PDE1A: variants seen among roughly 807,000 people sequenced by gnomAD.
PDE1A encodes phosphodiesterase 1A.
In PDE1A, 35 loss-of-function variants were observed where a neutral mutation model predicts 61.7. The observed-to-expected ratio is 0.57, with a 90% CI of 0.43 to 0.75. The LOEUF (loss-of-function observed/expected upper bound fraction) is 0.75, where lower values mean the gene tolerates loss of function less well. Among genes scored for constraint, PDE1A ranks in the 30% least tolerant of loss-of-function variants. The pLI, the probability that PDE1A is intolerant of heterozygous loss-of-function variation, is 0.00. For synonymous variants in PDE1A, 232 were observed against 213.2 expected, an observed-to-expected ratio of 1.09 and a Z score of -0.77; for missense variants, 597 against 630.6, an observed-to-expected ratio of 0.95 and a Z score of 0.57.
the PDE1A span, among the ~76,000 whole-genome samples, chr2:182,602,024 T>C: frequency 6.6e-6 from 1 of 152,206 alleles, no homozygotes; most frequent in Non-Finnish European, 1.5e-5. Context: ...ACTGGGGACC[T>C]TCCCCCTTCC....
intron 1 of PDE1A, among the ~76,000 whole-genome samples, chr2:182,349,394 A>G (rs1042864042): frequency 1.3e-5 from 2 of 152,218 alleles, no homozygotes; most frequent in Non-Finnish European, 2.9e-5. Flanking sequence ...TGGGATCTTA[A>G]CTACAACAAC....
chr2:182,549,911 A>G, the PDE1A span, among the ~76,000 whole-genome samples: 4 of 152,264 alleles, frequency 2.6e-5, no homozygotes, highest in East Asian at 5.8e-4. Context: ...CAGGAAGAAA[A>G]TCTGATTATT....
At chr2:182,497,464 C>T (rs2125904574) in intron 2 of PDE1A, among the ~76,000 whole-genome samples, 1 of 152,324 alleles carries the variant, frequency 6.6e-6, no homozygotes, top group South Asian at 2.1e-4. Context: ...TCCTCAGTAC[C>T]TGGTAACTAT....
At chr2:182,304,340 A>G (rs1695441874) in intron 1 of PDE1A, among the ~76,000 whole-genome samples, 1 of 152,178 alleles carries the variant, frequency 6.6e-6, no homozygotes, top group African/African-American at 2.4e-5. Flanking sequence ...GACTGGTTTG[A>G]TCTTCTATCC....
intron 2 of PDE1A, among the ~76,000 whole-genome samples, chr2:182,247,202 G>GA (rs11408095): frequency 0.096 from 14,106 of 146,654 alleles, 1,871 homozygotes; most frequent in African/African-American, 0.3. Context: ...ATTTGGTGTA[G>GA]AAAAAAAAAA....
chr2:182,419,341 T>C (rs1376033220), intron 1 of PDE1A, among the ~76,000 whole-genome samples: 3 of 149,660 alleles, frequency 2.0e-5, no homozygotes, highest in East Asian at 1.9e-4. Context: ...CTTTTCTTTT[T>C]TTTTTTTTTT....
the PDE1A span, among the ~76,000 whole-genome samples, chr2:182,539,147 C>T: frequency 6.6e-6 from 1 of 152,202 alleles, no homozygotes; most frequent in Non-Finnish European, 1.5e-5. Context: ...TACAAAATTC[C>T]TTCCTGACTT....
chr2:182,178,397 G>C (rs189138460), intron 13 of PDE1A, among the ~76,000 whole-genome samples: 17 of 152,184 alleles, frequency 1.1e-4, no homozygotes, highest in Admixed American at 7.9e-4. Context: ...TACCCTTCCA[G>C]TGACATATTT....
At chr2:182,386,581 C>T (rs1222734261) in intron 1 of PDE1A, among the ~76,000 whole-genome samples, 1 of 151,428 alleles carries the variant, frequency 6.6e-6, no homozygotes, top group African/African-American at 2.4e-5. Flanking sequence ...GCCACCCCGT[C>T]TGAGAAGTGA....
At chr2:182,451,423 A>G (rs1257739402) in intron 2 of PDE1A, among the ~76,000 whole-genome samples, 2 of 151,952 alleles carry the variant, frequency 1.3e-5, no homozygotes, top group Non-Finnish European at 2.9e-5. Context: ...CAAATGCATA[A>G]AGTATTAGTA....
In PDE1A at chr2:182,295,290, G is replaced by C. The variant is rs190709428; in HGVS notation, c.54-30876C>G. Among the ~76,000 whole-genome samples, 73 of 151,630 alleles carry C rather than the reference G, an allele frequency of 4.8e-4. 1 individual carries two copies. In the East Asian group the frequency reaches 0.014, roughly 29 times the overall value. ...GGGGTTTCACCTTGTTAGCCAGGAT[G>C]GTCTCGATCTCCTGACCTCATGATC... On this transcript the variant is annotated intron_variant, in intron 1 of 13. Coordinates refer to ENST00000351439, the Ensembl canonical transcript of PDE1A.
chr2:182,546,479 C>A, the PDE1A span, among the ~76,000 whole-genome samples: 3 of 152,034 alleles, frequency 2.0e-5, no homozygotes, highest in Non-Finnish European at 4.4e-5. Context: ...CATCAAAAGG[C>A]CCCTATAAGG....
intron 1 of PDE1A, among the ~76,000 whole-genome samples, chr2:182,297,215 G>A (rs560329047): frequency 6.6e-6 from 1 of 151,876 alleles, no homozygotes; most frequent in African/African-American, 2.4e-5. Context: ...GCAGTTACAG[G>A]GTTATAAAAA....
intron 13 of PDE1A, among the ~76,000 whole-genome samples, chr2:182,176,083 T>C (rs1382017932): frequency 6.7e-6 from 1 of 149,502 alleles, no homozygotes; most frequent in Non-Finnish European, 1.5e-5. Flanking sequence ...TTTTGGTTAC[T>C]GTAGCCTTGT....
chr2:182,368,359 T>C (rs756283481), intron 1 of PDE1A, among the ~76,000 whole-genome samples: 1 of 107,448 alleles, frequency 9.3e-6, no homozygotes, highest in Non-Finnish European at 1.7e-5. Flanking sequence ...AGGCCAGACA[T>C]TGCATTTGAT....
intron 2 of PDE1A, among the ~76,000 whole-genome samples, chr2:182,487,744 A>G (rs1349105301): frequency 6.6e-6 from 1 of 152,154 alleles, no homozygotes. Context: ...TTTTTTGAAA[A>G]TCACTGAATC....
chr2:182,454,323 C>A (rs79727193), intron 2 of PDE1A, among the ~76,000 whole-genome samples: 14 of 152,094 alleles, frequency 9.2e-5, no homozygotes, highest in Non-Finnish European at 2.1e-4. Flanking sequence ...GAATCAATAT[C>A]GTGAAAATGG....
the PDE1A span, among the ~76,000 whole-genome samples, chr2:182,690,103 AAGG>A: frequency 3.3e-5 from 5 of 152,234 alleles, no homozygotes; most frequent in African/African-American, 1.2e-4. Flanking sequence ...CCAGAGGTAT[AAGG>A]AGGAGCTGGT....
At chr2:182,703,579 G>GA in the PDE1A span, among the ~76,000 whole-genome samples, 1 of 152,074 alleles carries the variant, frequency 6.6e-6, no homozygotes, top group Non-Finnish European at 1.5e-5. Context: ...ATCTAAAGAA[G>GA]AAAAAATGTC....
Sources: allele counts gnomAD v4.1 joint callset (sites outside exome capture counted in the v4.1 genomes callset), GRCh38; gene constraint gnomAD v4.1.1; transcripts MANE v1.5; gene names NCBI Gene and HGNC (gene_info 2026-07-23, HGNC 2026-07-21).